SLC2A12: variants seen among roughly 807,000 people sequenced by gnomAD.
SLC2A12 encodes the protein solute carrier family 2 member 12.
A neutral mutation model predicts 41.8 loss-of-function variants in SLC2A12; 23 were observed. That is an observed-to-expected ratio of 0.55 (90% CI 0.40 to 0.78). The LOEUF is 0.78. SLC2A12 is among the 30% of genes least tolerant of loss of function. SLC2A12 has a pLI of 0.00. For synonymous variants in SLC2A12, 295 were observed against 285.9 expected (o/e 1.03, Z -0.32); for missense variants, 654 against 745.6 (o/e 0.88, Z 1.43).
chr6:134,002,064 C>A lies in SLC2A12; in HGVS notation c.1633G>T (p.Val545Phe), dbSNP rs1776760403. 1 of 1,601,924 alleles carries A rather than the reference C, an allele frequency of 6.2e-7. No homozygotes were observed. Among genetic ancestry groups the A allele is most frequent in the Admixed American group, 1.8e-5 (1 of 56,376 alleles). Residue 545 changes from valine to phenylalanine, a missense_variant, in exon 4 of 5, where the codon GTT becomes TTT. Coordinates refer to ENST00000275230, the MANE Select transcript of SLC2A12 (RefSeq NM_145176.3). ...TTTGTCTCAGGTATAAACATAACAA[C>A]AAAAAGCAGGGATGCTAGACTCATG... ...TIMSLASLLFVVMFIPETKGC... is the reference protein window; with the variant it reads ...TIMSLASLLFFVMFIPETKGC...
chr6:134,050,757 T>C (rs1773670670), intron 1 of SLC2A12, among the ~76,000 whole-genome samples: 1 of 152,012 alleles, frequency 6.6e-6, no homozygotes, highest in Non-Finnish European at 1.5e-5. Flanking sequence ...TCCCAGGAAT[T>C]TGGAGAAAAG....
At chr6:134,018,028 A>G (rs1368558801) in intron 2 of SLC2A12, among the ~76,000 whole-genome samples, 1 of 151,970 alleles carries the variant, frequency 6.6e-6, no homozygotes, top group Non-Finnish European at 1.5e-5. Flanking sequence ...CAAAGCCACA[A>G]TCCGGTCTCT....
intron 1 of SLC2A12, among the ~76,000 whole-genome samples, chr6:134,033,942 A>AC (rs1159315310): frequency 6.6e-6 from 1 of 151,762 alleles, no homozygotes; most frequent in Non-Finnish European, 1.5e-5. Context: ...TGCTTTCTGG[A>AC]CTTAGATCAT....
rs1001630871 is a variant in SLC2A12 at position 134,029,231 on chromosome 6, G to A, written c.594C>T (p.Tyr198=). ...AFANVFHGWK[Y]MFGLVIPLGV... ...CCAAGGGAATCACAAGACCAAACAT[G>A]TACTTCCAGCCATGGAAAACATTGG... Residue 198 remains tyrosine (Y), a synonymous_variant, in exon 2 of 5, where the codon TAC becomes TAT. Transcript: ENST00000275230. 1.7e-5 allele frequency: 28 copies of A among 1,614,022 alleles called. No homozygotes were observed. Among genetic ancestry groups the A allele is most frequent in the Non-Finnish European group, 2.3e-5 (27 of 1,180,050 alleles).
intron 4 of SLC2A12, among the ~76,000 whole-genome samples, chr6:133,994,503 G>A (rs1373496319): frequency 2.0e-5 from 3 of 152,164 alleles, no homozygotes; most frequent in Admixed American, 2.0e-4. Flanking sequence ...CGAGGTGGGT[G>A]GATCACGAGG....
rs149271240 is a variant in SLC2A12 at position 134,028,736 on chromosome 6, G to T, written c.1089C>A (p.Ile363=). ...VMAASLVTMG[I]VNLNIHMNFT... ...AGTTCATGTGGATGTTGAGATTTACGATGCCCATGGTCACCAACGAAGCTG... is the reference window on the plus strand; with the variant it reads ...AGTTCATGTGGATGTTGAGATTTACTATGCCCATGGTCACCAACGAAGCTG... Residue 363 remains isoleucine (I), a synonymous_variant, in exon 2 of 5, where the codon ATC becomes ATA. Transcript: ENST00000275230. 6.2e-7 allele frequency: 1 copy of T among 1,614,114 alleles called. No homozygotes were observed. The highest frequency in any genetic ancestry group is 8.5e-7 in the Non-Finnish European group (1 of 1,180,014).
chr6:134,017,910 A>G (rs531455638), intron 2 of SLC2A12, among the ~76,000 whole-genome samples: 8 of 151,700 alleles, frequency 5.3e-5, no homozygotes, highest in African/African-American at 1.9e-4. Flanking sequence ...CTCAGCCTAT[A>G]TCTCACCTTT....
intron 1 of SLC2A12, among the ~76,000 whole-genome samples, chr6:134,050,010 T>C (rs999486177): frequency 9.2e-5 from 14 of 152,180 alleles, no homozygotes; most frequent in Non-Finnish European, 1.5e-4. Context: ...TTAAATACTC[T>C]GAATGTCTTA....
At chr6:134,012,440 G>A (rs895384956) in intron 2 of SLC2A12, among the ~76,000 whole-genome samples, 14 of 152,208 alleles carry the variant, frequency 9.2e-5, no homozygotes, top group African/African-American at 3.4e-4. Flanking sequence ...AACTATGGCA[G>A]TGGTCTTCAA....
chr6:134,029,738 G>C lies in SLC2A12; in HGVS notation c.104-17C>G, dbSNP rs1263535674. Reference sequence around the variant, plus strand: ...TGCCGCAGCCTGCAAGCAGAGAGAAGAGACAGGGAGGTCAGTTCTCAGTTG... The same window carrying C: ...TGCCGCAGCCTGCAAGCAGAGAGAACAGACAGGGAGGTCAGTTCTCAGTTG... On this transcript the variant is annotated splice_polypyrimidine_tract_variant and intron_variant, in intron 1 of 4. Coordinates refer to ENST00000275230, the MANE Select transcript of SLC2A12 (RefSeq NM_145176.3). 6.3e-7 allele frequency: 1 copy of C among 1,581,340 alleles called. No homozygotes were observed. The highest frequency in any genetic ancestry group is 1.3e-5 in the African/African-American group (1 of 74,308).
At chr6:134,034,992 A>G (rs1777272834) in intron 1 of SLC2A12, among the ~76,000 whole-genome samples, 1 of 151,954 alleles carries the variant, frequency 6.6e-6, no homozygotes, top group Admixed American at 6.6e-5. Flanking sequence ...AACTACCTGG[A>G]GGCTTGTAAG....
intron 1 of SLC2A12, among the ~76,000 whole-genome samples, chr6:134,048,556 G>A (rs1037145048): frequency 3.3e-5 from 5 of 152,124 alleles, no homozygotes; most frequent in African/African-American, 7.2e-5. Flanking sequence ...GTGACAGAGC[G>A]AGACTTCATC....
At chr6:134,048,858 G>A (rs939966368) in intron 1 of SLC2A12, among the ~76,000 whole-genome samples, 7 of 152,166 alleles carry the variant, frequency 4.6e-5, no homozygotes, top group African/African-American at 1.7e-4. Context: ...ATCTGCCCAA[G>A]CTGGTTGGCC....
intron 2 of SLC2A12, among the ~76,000 whole-genome samples, chr6:134,023,896 T>C (rs1172297374): frequency 2.0e-5 from 3 of 152,242 alleles, no homozygotes; most frequent in Non-Finnish European, 4.4e-5. Flanking sequence ...GCTGTGTTAC[T>C]TAGCTAAGCT....
chr6:134,032,334 TTATC>T (rs1777219232), intron 1 of SLC2A12, among the ~76,000 whole-genome samples: 2 of 149,372 alleles, frequency 1.3e-5, no homozygotes, highest in Non-Finnish European at 3.0e-5. Flanking sequence ...AATCAGCAAT[TTATC>T]TAGCTAATCA....
rs200249148 is a variant in SLC2A12 at position 133,987,648 on chromosome 6, G to GTGTATATATATATATA, written c.*3506_*3507insTATATATATATATACA. The GTGTATATATATATATA allele has an allele frequency of 4.1e-4, 36 of 88,392 alleles. No homozygotes were observed. Among genetic ancestry groups the GTGTATATATATATATA allele is most frequent in the African/African-American group, 1.2e-3 (34 of 27,574 alleles). 5.5% of individuals were successfully genotyped at this position (88,392 alleles called of 1,614,324 possible). On this transcript the variant is annotated 3_prime_UTR_variant, in exon 5 of 5. Coordinates refer to ENST00000275230, the MANE Select transcript of SLC2A12 (RefSeq NM_145176.3). ...TTTGTGTGTGTGTGTGTGTGTGTGT[G>GTGTATATATATATATA]TATATATATATATATATATGCACCA...
chr6:134,035,868 A>G (rs886531196), intron 1 of SLC2A12, among the ~76,000 whole-genome samples: 3 of 152,336 alleles, frequency 2.0e-5, no homozygotes, highest in Admixed American at 1.3e-4. Context: ...AGCTTTATGC[A>G]AACAGGTGCT....
intron 2 of SLC2A12, among the ~76,000 whole-genome samples, chr6:134,023,795 G>A (rs1392111969): frequency 6.6e-6 from 1 of 152,168 alleles, no homozygotes. Context: ...GCAATGGACT[G>A]AATTTAGGGC....
chr6:133,993,906 GGGCATTGGAA>G (rs1386836293), intron 4 of SLC2A12, among the ~76,000 whole-genome samples: 23 of 152,220 alleles, frequency 1.5e-4, no homozygotes, highest in Non-Finnish European at 2.8e-4. Context: ...AGGGCTGGAA[GGGCATTGGAA>G]GGCTTCTGCT....
Sources: allele counts gnomAD v4.1 joint callset (sites outside exome capture counted in the v4.1 genomes callset), GRCh38; gene constraint gnomAD v4.1.1; transcripts MANE v1.5; gene names NCBI Gene and HGNC (gene_info 2026-07-23, HGNC 2026-07-21).